Variants in VSNL1 observed in about 807,000 individuals in gnomAD.
VSNL1 encodes visinin-like protein 1.
Under a neutral mutation model 20.4 loss-of-function variants are expected in VSNL1, and 6 were observed. That is an observed-to-expected ratio of 0.29 (90% CI 0.16 to 0.58). The LOEUF (loss-of-function observed/expected upper bound fraction) is 0.58, where lower values mean the gene tolerates loss of function less well. VSNL1 is among the 20% of genes least tolerant of loss of function. The probability of loss-of-function intolerance (pLI) is 0.90; values close to 1 mark genes in which losing one functional copy is unlikely to be tolerated. For synonymous variants in VSNL1, 93 were observed against 86.4 expected (o/e 1.08, Z -0.42); for missense variants, 100 against 234.5 (o/e 0.43, Z 3.75).
intron 3 of VSNL1, among the ~76,000 whole-genome samples, chr2:17,654,031 G>A (rs1666174279): frequency 6.6e-6 from 1 of 152,104 alleles, no homozygotes; most frequent in Admixed American, 6.5e-5. Context: ...TATCCATGCT[G>A]TAGCATATTC....
chr2:17,649,961 C>T lies in VSNL1; in HGVS notation c.378+336C>T, dbSNP rs995838605. Among the ~76,000 whole-genome samples, 21 of 152,324 alleles carry T rather than the reference C, an allele frequency of 1.4e-4. No individual in the cohort carries two copies. The highest frequency in any genetic ancestry group is 2.2e-4 in the African/African-American group (9 of 41,576). On this transcript the variant is annotated intron_variant, in intron 3 of 3. Transcript: ENST00000295156. The surrounding 1 kb of genome is among the most constrained non-coding windows in gnomAD (Gnocchi z 6.4). ...TCTCTGCTCTGCCTCACTCCAGCTGCGCCTAGTGGGGACCCGAGGCTGTCA... is the reference window on the plus strand; with the variant it reads ...TCTCTGCTCTGCCTCACTCCAGCTGTGCCTAGTGGGGACCCGAGGCTGTCA...
chr2:17,639,725 T>C (rs1665840277), intron 2 of VSNL1, among the ~76,000 whole-genome samples: 1 of 152,204 alleles, frequency 6.6e-6, no homozygotes, highest in Non-Finnish European at 1.5e-5. Context: ...CCCAACACTG[T>C]GTGCACATCA....
At chr2:17,541,061 G>C (rs1663274773) in intron 1 of VSNL1, 143 bp downstream of exon 1, 1 of 149,898 alleles carries the variant, frequency 6.7e-6, no homozygotes, top group Non-Finnish European at 1.5e-5. Context: ...CTTAATGCTG[G>C]CGATCTGAAT....
At position 17,644,643 on chromosome 2, in the gene VSNL1, G is replaced by C. The variant is rs549483734; in HGVS notation, c.163-4767G>C. ...CCCTTAGTGATGTGACCTCATGCCAGTTACTTACCCCAGAAAAATGACCCT... is the reference window on the plus strand; with the variant it reads ...CCCTTAGTGATGTGACCTCATGCCACTTACTTACCCCAGAAAAATGACCCT... On this transcript the variant is annotated intron_variant, in intron 2 of 3. Transcript: ENST00000295156. 5.3e-5 allele frequency among the ~76,000 whole-genome samples: 8 copies of C among 152,328 alleles called. No homozygotes were observed. In the South Asian group the frequency reaches 1.4e-3, roughly 28 times the overall value.
chr2:17,568,434 G>A (rs959738979), intron 1 of VSNL1, among the ~76,000 whole-genome samples: 1 of 152,022 alleles, frequency 6.6e-6, no homozygotes, highest in Non-Finnish European at 1.5e-5. Context: ...TGCCAGACAA[G>A]TATATACATA....
chr2:17,635,849 C>G (rs1665735898), intron 2 of VSNL1, among the ~76,000 whole-genome samples: 1 of 152,170 alleles, frequency 6.6e-6, no homozygotes, highest in South Asian at 2.1e-4. Flanking sequence ...TTTATCTTTT[C>G]ACACCCATGG....
intron 1 of VSNL1, among the ~76,000 whole-genome samples, chr2:17,549,930 G>A (rs777244022): frequency 1.4e-4 from 22 of 152,316 alleles, no homozygotes; most frequent in Non-Finnish European, 2.2e-4. Context: ...CACAAACTTA[G>A]TAGTCATTAA....
At chr2:17,563,485 C>T (rs2103350025) in intron 1 of VSNL1, among the ~76,000 whole-genome samples, 1 of 152,178 alleles carries the variant, frequency 6.6e-6, no homozygotes, top group East Asian at 1.9e-4. Flanking sequence ...CAAGACAGCT[C>T]TTCAGATATT....
chr2:17,569,845 T>C (rs1664040239), intron 1 of VSNL1, among the ~76,000 whole-genome samples: 1 of 152,252 alleles, frequency 6.6e-6, no homozygotes, highest in Admixed American at 6.5e-5. Context: ...AAGACCATTT[T>C]AGAATTTGTA....
intron 1 of VSNL1, among the ~76,000 whole-genome samples, chr2:17,557,623 C>T (rs978080285): frequency 6.6e-6 from 1 of 152,148 alleles, no homozygotes; most frequent in African/African-American, 2.4e-5. Flanking sequence ...TACTAACACT[C>T]GTTTACCATT....
intron 2 of VSNL1, among the ~76,000 whole-genome samples, chr2:17,637,921 C>T (rs776507990): frequency 7.9e-5 from 12 of 152,184 alleles, no homozygotes; most frequent in Non-Finnish European, 1.5e-4. Flanking sequence ...TCACATAACT[C>T]CCCCACGGCC....
chr2:17,577,649 C>A (rs563105226), intron 1 of VSNL1, among the ~76,000 whole-genome samples: 1 of 152,264 alleles, frequency 6.6e-6, no homozygotes, highest in South Asian at 2.1e-4. Context: ...TATTTAGCAT[C>A]CAAGTCCTCT....
intron 1 of VSNL1, among the ~76,000 whole-genome samples, chr2:17,588,075 C>G (rs931075527): frequency 1.3e-5 from 2 of 152,224 alleles, no homozygotes; most frequent in African/African-American, 4.8e-5. Context: ...TATGACAACA[C>G]AAGCAGTGAG....
chr2:17,581,383 A>G (rs1664345308), intron 1 of VSNL1, among the ~76,000 whole-genome samples: 1 of 152,204 alleles, frequency 6.6e-6, no homozygotes, highest in Admixed American at 6.5e-5. Context: ...CATTGAGTCA[A>G]TACCCACCCA....
chr2:17,584,458 C>T (rs765845353), intron 1 of VSNL1, among the ~76,000 whole-genome samples: 1 of 152,142 alleles, frequency 6.6e-6, no homozygotes, highest in Non-Finnish European at 1.5e-5. Context: ...CTTTGCAGAT[C>T]AGAGCCCCTG....
intron 2 of VSNL1, among the ~76,000 whole-genome samples, chr2:17,632,099 C>T (rs1375579521): frequency 6.6e-6 from 1 of 152,106 alleles, no homozygotes; most frequent in Non-Finnish European, 1.5e-5. Flanking sequence ...GTTGGCCAGG[C>T]TGGTCTCGAA....
intron 2 of VSNL1, among the ~76,000 whole-genome samples, chr2:17,597,583 T>C: frequency 6.6e-6 from 1 of 152,208 alleles, no homozygotes; most frequent in East Asian, 1.9e-4. Flanking sequence ...GTTTGAATTT[T>C]AATAAAATAT....
At chr2:17,632,313 T>C (rs567400834) in intron 2 of VSNL1, among the ~76,000 whole-genome samples, 1 of 152,166 alleles carries the variant, frequency 6.6e-6, no homozygotes, top group South Asian at 2.1e-4. Context: ...TGTTTGTTTG[T>C]TTGCTTTGAG....
At chr2:17,581,263 T>G (rs573248273) in intron 1 of VSNL1, among the ~76,000 whole-genome samples, 23 of 152,188 alleles carry the variant, frequency 1.5e-4, no homozygotes, top group Non-Finnish European at 2.6e-4. Flanking sequence ...TATGCTCCCA[T>G]TCCCTTCCTC....
Sources: allele counts gnomAD v4.1 joint callset (sites outside exome capture counted in the v4.1 genomes callset), GRCh38; gene constraint gnomAD v4.1.1; non-coding constraint Gnocchi (gnomAD v3.1); transcripts MANE v1.5; gene names NCBI Gene and HGNC (gene_info 2026-07-23, HGNC 2026-07-21).